Variants in ANO10 observed in about 807,000 individuals in gnomAD.
ANO10 encodes anoctamin-10.
In ANO10, 77 loss-of-function variants were observed where a neutral mutation model predicts 74.7. That is an observed-to-expected ratio of 1.03 (90% confidence interval 0.86 to 1.25). The LOEUF (loss-of-function observed/expected upper bound fraction) is 1.25. Among genes scored for constraint, ANO10 ranks in the 50% most tolerant of loss-of-function variants. The pLI is 0.00. For synonymous variants in ANO10, 279 were observed against 284.9 expected (o/e 0.98, Z 0.21); for missense variants, 721 against 778.1 (o/e 0.93, Z 0.87).
intron 1 of ANO10, among the ~76,000 whole-genome samples, chr3:43,650,554 T>C (rs1056658155): frequency 1.3e-5 from 2 of 152,204 alleles, no homozygotes; most frequent in African/African-American, 4.8e-5. Context: ...AATCAGCAAT[T>C]ATTTTGCATA....
At chr3:43,497,360 G>A (rs542051589) in intron 11 of ANO10, among the ~76,000 whole-genome samples, 8 of 152,288 alleles carry the variant, frequency 5.3e-5, no homozygotes, top group Admixed American at 5.2e-4. Context: ...ACAAAGAAAA[G>A]TATCCCCTAG....
intron 11 of ANO10, among the ~76,000 whole-genome samples, chr3:43,453,400 C>T (rs537334369): frequency 1.3e-5 from 2 of 152,204 alleles, no homozygotes; most frequent in South Asian, 2.1e-4. Context: ...AGGATGGTCT[C>T]GATCTCCTGA....
chr3:43,397,808 C>A (rs1037843546), intron 12 of ANO10, among the ~76,000 whole-genome samples: 10 of 152,186 alleles, frequency 6.6e-5, no homozygotes, highest in Non-Finnish European at 1.3e-4. Context: ...CTCAGTGGGG[C>A]AAACTGGGGC....
chr3:43,497,809 T>C (rs1575267932), intron 11 of ANO10, among the ~76,000 whole-genome samples: 1 of 152,218 alleles, frequency 6.6e-6, no homozygotes, highest in Non-Finnish European at 1.5e-5. Flanking sequence ...AAGATTTTTA[T>C]TCTGTATTTC....
intron 12 of ANO10, among the ~76,000 whole-genome samples, chr3:43,382,672 A>C (rs1478163002): frequency 6.6e-6 from 1 of 152,224 alleles, no homozygotes; most frequent in East Asian, 1.9e-4. Context: ...AAATAAGCTT[A>C]ATTAGAAACG....
chr3:43,510,317 C>A (rs2077461150), intron 11 of ANO10, among the ~76,000 whole-genome samples: 1 of 151,604 alleles, frequency 6.6e-6, no homozygotes. Flanking sequence ...TGTAATCCTG[C>A]CTACTGGGGA....
intron 11 of ANO10, among the ~76,000 whole-genome samples, chr3:43,462,985 T>G (rs2075450680): frequency 6.6e-6 from 1 of 152,188 alleles, no homozygotes; most frequent in Admixed American, 6.5e-5. Flanking sequence ...AGCCTCTGCC[T>G]AGATTTCAGA....
At chr3:43,475,223 C>T (rs1283059335) in intron 11 of ANO10, among the ~76,000 whole-genome samples, 2 of 152,056 alleles carry the variant, frequency 1.3e-5, no homozygotes, top group Non-Finnish European at 2.9e-5. Context: ...AACATTTATT[C>T]AATTATCTAA....
At chr3:43,545,794 AATG>A (rs2079165649) in intron 11 of ANO10, among the ~76,000 whole-genome samples, 1 of 152,226 alleles carries the variant, frequency 6.6e-6, no homozygotes. Flanking sequence ...TATCCTATGA[AATG>A]ATTAGCAAAA....
chr3:43,685,266 A>T (rs1387871720), intron 1 of ANO10, among the ~76,000 whole-genome samples: 1 of 152,072 alleles, frequency 6.6e-6, no homozygotes, highest in Non-Finnish European at 1.5e-5. Context: ...GTATCCAGGC[A>T]TTTATCAATT....
intron 1 of ANO10, among the ~76,000 whole-genome samples, chr3:43,684,596 A>G (rs2149583865): frequency 6.6e-6 from 1 of 152,318 alleles, no homozygotes; most frequent in African/African-American, 2.4e-5. Flanking sequence ...TACCCATAGG[A>G]TTATAAAACA....
chr3:43,421,233 G>A (rs1318319892), intron 12 of ANO10, among the ~76,000 whole-genome samples: 1 of 151,880 alleles, frequency 6.6e-6, no homozygotes, highest in East Asian at 1.9e-4. Context: ...GAAAAGAACT[G>A]GCCAGGGCTG....
chr3:43,537,903 C>T (rs1309747200), intron 11 of ANO10, among the ~76,000 whole-genome samples: 1 of 152,040 alleles, frequency 6.6e-6, no homozygotes, highest in Non-Finnish European at 1.5e-5. Flanking sequence ...CCAGTCTTAG[C>T]CACATGGCAC....
rs546025704 is a variant in ANO10, at chr3:43,539,072, A to T, written c.1797+10648T>A. On this transcript the variant is annotated intron_variant, in intron 11 of 12. Transcript: ENST00000292246. ...CTTAGAGCCCTCCATCAGTTTCCCC[A>T]TCCATTACCTCTTATCCCCCAATTC... 7.2e-5 allele frequency among the ~76,000 whole-genome samples: 11 copies of T among 152,190 alleles called. No homozygotes were observed. The South Asian group carries it at 2.3e-3, about 32-fold the overall frequency.
At chr3:43,413,349 G>C (rs1250113235) in intron 12 of ANO10, among the ~76,000 whole-genome samples, 2 of 152,080 alleles carry the variant, frequency 1.3e-5, no homozygotes, top group Non-Finnish European at 2.9e-5. Flanking sequence ...CCTGGTGGGG[G>C]TGTCTGGATC....
intron 11 of ANO10, among the ~76,000 whole-genome samples, chr3:43,433,613 A>T (rs1411287954): frequency 6.6e-6 from 1 of 152,236 alleles, no homozygotes; most frequent in Non-Finnish European, 1.5e-5. Context: ...TGGAAAACTT[A>T]AAACCTGGCT....
chr3:43,624,369 T>TGGG (rs2083474020), upstream of ANO10, among the ~76,000 whole-genome samples: 1 of 152,172 alleles, frequency 6.6e-6, no homozygotes, highest in Non-Finnish European at 1.5e-5. Flanking sequence ...TCTCCAGTAT[T>TGGG]GGGGGTGGGG....
intron 1 of ANO10, among the ~76,000 whole-genome samples, chr3:43,613,032 G>A (rs1172947262): frequency 1.3e-5 from 2 of 152,134 alleles, no homozygotes; most frequent in Non-Finnish European, 2.9e-5. Context: ...GCCAGGCGTG[G>A]TGGCACACGC....
At chr3:43,540,220 A>T (rs2078895860) in intron 11 of ANO10, among the ~76,000 whole-genome samples, 1 of 152,240 alleles carries the variant, frequency 6.6e-6, no homozygotes, top group African/African-American at 2.4e-5. Flanking sequence ...CAAACATTTA[A>T]ATGTACACTA....
Sources: allele counts gnomAD v4.1 joint callset (sites outside exome capture counted in the v4.1 genomes callset), GRCh38; gene constraint gnomAD v4.1.1; transcripts MANE v1.5; gene names NCBI Gene and HGNC (gene_info 2026-07-23, HGNC 2026-07-21).